Variants in CAPN7 observed in about 807,000 individuals in gnomAD.
CAPN7 encodes the protein calpain-7.
A neutral mutation model predicts 115.2 loss-of-function variants in CAPN7; 72 were observed. That is an observed-to-expected ratio of 0.63 (90% CI 0.52 to 0.76). The LOEUF (loss-of-function observed/expected upper bound fraction) is 0.76, where lower values mean the gene tolerates loss of function less well. Among genes scored for constraint, CAPN7 ranks in the 30% least tolerant of loss-of-function variants. The pLI, the probability that CAPN7 is intolerant of heterozygous loss-of-function variation, is 0.00. For missense variants in CAPN7, 905 were observed against 971.5 expected, an observed-to-expected ratio of 0.93 and a Z score of 0.91; for synonymous variants, 344 against 322.3, an observed-to-expected ratio of 1.07 and a Z score of -0.72.
At chr3:15,245,461 A>T in intron 16 of CAPN7, 65 bp from the exon 17 acceptor site, 1 of 1,470,880 alleles carries the variant, frequency 6.8e-7, no homozygotes, top group Non-Finnish European at 9.3e-7. Flanking sequence ...TATTTTTCCT[A>T]CATCAACCAT....
At chr3:15,227,033 A>G (rs1575194734) in intron 6 of CAPN7, among the ~76,000 whole-genome samples, 2 of 151,916 alleles carry the variant, frequency 1.3e-5, no homozygotes, top group South Asian at 2.1e-4. Flanking sequence ...GAAGGCTGGT[A>G]TCAGCCTTGG....
intron 2 of CAPN7, among the ~76,000 whole-genome samples, chr3:15,213,288 C>T (rs1281577235): frequency 1.3e-5 from 2 of 152,140 alleles, no homozygotes; most frequent in African/African-American, 2.4e-5. Flanking sequence ...TCCATGATCT[C>T]CTTGTTTTTT....
chr3:15,223,930 A>G (rs1057444642), intron 6 of CAPN7, among the ~76,000 whole-genome samples: 6 of 152,226 alleles, frequency 3.9e-5, no homozygotes, highest in Non-Finnish European at 8.8e-5. Flanking sequence ...AAGAAGACCA[A>G]TTCAAGCAAG....
At chr3:15,242,376 A>G (rs1695401355) in intron 16 of CAPN7, 123 bp downstream of exon 16, 1 of 615,194 alleles carries the variant, frequency 1.6e-6, no homozygotes, top group Admixed American at 3.6e-5. Flanking sequence ...TGATAGACTA[A>G]TAGAAACCAC....
At chr3:15,220,027 C>T (rs1693873124) in intron 4 of CAPN7, among the ~76,000 whole-genome samples, 1 of 152,028 alleles carries the variant, frequency 6.6e-6, no homozygotes, top group African/African-American at 2.4e-5. Context: ...GTGGCGAAAC[C>T]CTGTCTCTAC....
chr3:15,226,738 G>C (rs1378240550), intron 6 of CAPN7, among the ~76,000 whole-genome samples: 1 of 151,934 alleles, frequency 6.6e-6, no homozygotes, highest in East Asian at 1.9e-4. Context: ...ATAAACATTG[G>C]CTTATTTAAA....
intron 1 of CAPN7, among the ~76,000 whole-genome samples, chr3:15,208,140 CTGT>C (rs2044734581): frequency 6.6e-6 from 1 of 150,876 alleles, no homozygotes; most frequent in Admixed American, 6.6e-5. Context: ...TATATTCAGT[CTGT>C]TGTTGACTGA....
At chr3:15,237,283 A>C (rs1260446879) in intron 12 of CAPN7, among the ~76,000 whole-genome samples, 2 of 152,206 alleles carry the variant, frequency 1.3e-5, no homozygotes, top group Non-Finnish European at 1.5e-5. Context: ...CCGAAACATA[A>C]ACACACACAT....
Position 15,206,377 on chromosome 3 carries a change from A to G in CAPN7, c.-119A>G. On this transcript the variant is annotated 5_prime_UTR_variant, in exon 1 of 21. Coordinates refer to ENST00000253693, the MANE Select transcript of CAPN7 (RefSeq NM_014296.3). ...AGCTCTCCTCCACCGTCCAAAGTAA[A>G]CTTTGCCGCTCCTTCCGCGGCGCTC... is the stretch of plus-strand genomic sequence containing the variant. 2.8e-6 allele frequency: 2 copies of G among 705,254 alleles called. No individual in the cohort carries two copies. The highest frequency in any genetic ancestry group is 2.4e-6 in the Non-Finnish European group (1 of 422,452). The allele number at this position is 705,254 out of a possible 1,614,324, so 43.7% of individuals were successfully genotyped here.
At chr3:15,243,949 A>G (rs1265143165) in intron 16 of CAPN7, among the ~76,000 whole-genome samples, 2 of 152,222 alleles carry the variant, frequency 1.3e-5, no homozygotes, top group Non-Finnish European at 2.9e-5. Context: ...AATAAAAATT[A>G]AAGGGAAGAA....
intron 8 of CAPN7, among the ~76,000 whole-genome samples, chr3:15,229,961 T>G (rs1694588435): frequency 6.6e-6 from 1 of 152,182 alleles, no homozygotes; most frequent in Non-Finnish European, 1.5e-5. Flanking sequence ...GTCCTTAGTT[T>G]CAACTATTTG....
intron 12 of CAPN7, among the ~76,000 whole-genome samples, chr3:15,238,802 T>C (rs577577681): frequency 8.6e-5 from 13 of 151,892 alleles, no homozygotes; most frequent in Non-Finnish European, 1.8e-4. Context: ...TTTCCTTTGC[T>C]GCTACTTGGA....
Position 15,240,865 on chromosome 3 carries a change from C to T in CAPN7, c.1652+12C>T. The T allele has an allele frequency of 4.0e-6, 6 of 1,487,036 alleles. No individual in the cohort carries two copies. The highest frequency in any genetic ancestry group is 5.6e-6 in the Non-Finnish European group (6 of 1,067,530). 92.1% of individuals were successfully genotyped at this position (1,487,036 alleles called of 1,614,324 possible). On this transcript the variant is annotated intron_variant, in intron 14 of 20. Transcript: ENST00000253693. ...ACATGTATTCACAGGTAACTTTTTG[C>T]ACATTGCAGAGTATGCTTTATAATA...
chr3:15,232,636 G>A lies in CAPN7; in HGVS notation c.1150G>A (p.Gly384Arg), dbSNP rs755062054. The A allele has an allele frequency of 1.1e-5, 17 of 1,609,974 alleles. No individual in the cohort carries two copies. Among genetic ancestry groups the A allele is most frequent in the Non-Finnish European group, 1.4e-5 (16 of 1,178,518 alleles). The change falls in exon 10 of 21, where the codon GGA becomes AGA. Residue 384 changes from glycine to arginine, a missense_variant. Gly to Arg is a moderately radical substitution (Grantham distance 125, BLOSUM62 -2). Transcript: ENST00000253693. ...LIEKAYMKVM[G>R]GYDFPGSNSN... The stretch of plus-strand genomic sequence containing the variant: ...AGAAAAAGCATACATGAAAGTCATG[G>A]GAGGATATGATTTTCCAGGATCCAA...
intron 16 of CAPN7, 33 bp downstream of exon 16, chr3:15,242,286 A>G (rs1378449635): frequency 1.6e-6 from 2 of 1,281,190 alleles, no homozygotes; most frequent in Non-Finnish European, 2.2e-6. Context: ...CATTAAAATA[A>G]ACATACATAA....
chr3:15,245,197 C>CCAAAG (rs1695586001), intron 16 of CAPN7, among the ~76,000 whole-genome samples: 1 of 139,924 alleles, frequency 7.1e-6, no homozygotes, highest in African/African-American at 2.5e-5. Context: ...AATTTCATCT[C>CCAAAG]AAAAAAAAAA....
rs1316376315 is a variant in CAPN7, at chr3:15,206,287, A to G, written c.-209A>G. 4 of 444,652 alleles carry G rather than the reference A, an allele frequency of 9.0e-6. No individual in the cohort carries two copies. Among genetic ancestry groups the G allele is most frequent in the African/African-American group, 6.3e-5 (3 of 47,674 alleles). 27.5% of individuals were successfully genotyped at this position (444,652 alleles called of 1,614,324 possible). On this transcript the variant is annotated 5_prime_UTR_variant, in exon 1 of 21. Coordinates refer to ENST00000253693, the MANE Select transcript of CAPN7 (RefSeq NM_014296.3). ...GCGAAGTGGGGCGGCCGGGTGGGCT[A>G]CAAGCCGGGTCTGGGCTGAGGGGCG... is the stretch of plus-strand genomic sequence containing the variant.
At chr3:15,250,864 A>G in intron 19 of CAPN7, 67 bp from the exon 20 acceptor site, 1 of 1,143,766 alleles carries the variant, frequency 8.7e-7, no homozygotes, top group Non-Finnish European at 1.3e-6. Flanking sequence ...CACTTCAGAT[A>G]AAGTTATTTT....
chr3:15,246,557 A>G, intron 17 of CAPN7, 175 bp from the exon 18 acceptor site: 1 of 580,700 alleles, frequency 1.7e-6, no homozygotes. Context: ...AGAGAAAGCC[A>G]AGACCAGACC....
Sources: gnomAD v4.1 joint callset for allele counts (sites outside exome capture counted in the v4.1 genomes callset) on GRCh38, gnomAD v4.1.1 for gene constraint, MANE v1.5 for transcripts, NCBI Gene and HGNC (gene_info 2026-07-23, HGNC 2026-07-21) for gene names.